Variants in FRMD3 observed in about 807,000 individuals in gnomAD.
The protein encoded by FRMD3 is FERM domain containing 3.
Under a neutral mutation model 70.2 loss-of-function variants are expected in FRMD3, and 33 were observed. The ratio of observed to expected loss-of-function variants is 0.47; its 90% CI spans 0.36 to 0.63. The LOEUF is 0.63. FRMD3 is among the 20% of genes least tolerant of loss of function. The pLI is 0.00. For missense variants in FRMD3, 632 were observed against 711.4 expected, an observed-to-expected ratio of 0.89 and a Z score of 1.27; for synonymous variants, 279 against 255.9, an observed-to-expected ratio of 1.09 and a Z score of -0.86.
At chr9:83,466,731 C>A (rs1255219661) in intron 1 of FRMD3, among the ~76,000 whole-genome samples, 4 of 152,206 alleles carry the variant, frequency 2.6e-5, no homozygotes, top group African/African-American at 9.6e-5. Context: ...TGAACTTTAA[C>A]TGTGATTCCC....
At chr9:83,334,354 C>T (rs1200539518) in intron 6 of FRMD3, among the ~76,000 whole-genome samples, 2 of 152,084 alleles carry the variant, frequency 1.3e-5, no homozygotes, top group Non-Finnish European at 2.9e-5. Context: ...TAAGACTAAG[C>T]GTCATATTTT....
chr9:83,490,901 A>G (rs540717011), intron 1 of FRMD3, among the ~76,000 whole-genome samples: 32 of 152,136 alleles, frequency 2.1e-4, no homozygotes, highest in African/African-American at 7.0e-4. Context: ...GGAAAATCAA[A>G]TATTTTAATC....
At chr9:83,488,844 T>C (rs543577094) in intron 1 of FRMD3, among the ~76,000 whole-genome samples, 1 of 152,112 alleles carries the variant, frequency 6.6e-6, no homozygotes, top group African/African-American at 2.4e-5. Flanking sequence ...CCACATTAAA[T>C]AATGAAGAAA....
intron 1 of FRMD3, among the ~76,000 whole-genome samples, chr9:83,408,177 C>T (rs542747048): frequency 1.4e-4 from 22 of 152,264 alleles, no homozygotes; most frequent in African/African-American, 5.1e-4. Flanking sequence ...GTCCTCTCAA[C>T]GAGATGAAAG....
chr9:83,320,446 A>G (rs905624253), intron 6 of FRMD3, among the ~76,000 whole-genome samples: 4 of 152,114 alleles, frequency 2.6e-5, no homozygotes, highest in South Asian at 4.1e-4. Context: ...TATGTGATGT[A>G]TCACATTTAT....
chr9:83,387,204 C>T (rs866879050), intron 2 of FRMD3, among the ~76,000 whole-genome samples: 11 of 152,084 alleles, frequency 7.2e-5, no homozygotes, highest in Non-Finnish European at 8.8e-5. Context: ...TTTCTATTTC[C>T]GTCATTCCTT....
intron 1 of FRMD3, among the ~76,000 whole-genome samples, chr9:83,533,772 T>C (rs745618108): frequency 4.6e-5 from 7 of 152,372 alleles, no homozygotes; most frequent in Middle Eastern, 3.4e-3. Context: ...TTATTCAATC[T>C]ACATCGATAT....
chr9:83,380,491 C>T (rs1204366569), intron 2 of FRMD3, among the ~76,000 whole-genome samples: 1 of 152,154 alleles, frequency 6.6e-6, no homozygotes, highest in Non-Finnish European at 1.5e-5. Context: ...TTGCGAGGCA[C>T]AACTGCACTT....
intron 1 of FRMD3, among the ~76,000 whole-genome samples, chr9:83,397,328 C>A (rs1825835907): frequency 6.6e-6 from 1 of 152,166 alleles, no homozygotes; most frequent in African/African-American, 2.4e-5. Context: ...AATCCCTAAT[C>A]TGAGGCAATA....
chr9:83,422,156 C>T (rs1012129310), intron 1 of FRMD3, among the ~76,000 whole-genome samples: 26 of 152,232 alleles, frequency 1.7e-4, no homozygotes, highest in African/African-American at 5.5e-4. Flanking sequence ...TCCTGGGAGG[C>T]AGAGGCTGCA....
rs183189596 is a variant in FRMD3 at position 83,526,553 on chromosome 9, G to A, written c.147+11532C>T. On this transcript the variant is annotated intron_variant, in intron 1 of 13. Coordinates refer to ENST00000304195, the MANE Select transcript of FRMD3 (RefSeq NM_174938.6). Reference sequence around the variant, plus strand: ...TTTAATTATTAATCAAGATTCATCTGTAACAGAGATACTTACTGATGCCCC... The same window carrying A: ...TTTAATTATTAATCAAGATTCATCTATAACAGAGATACTTACTGATGCCCC... Among the ~76,000 whole-genome samples, 200 of 152,262 alleles carry A rather than the reference G, an allele frequency of 1.3e-3. 2 individuals carry two copies. The highest frequency in any genetic ancestry group is 4.6e-3 in the African/African-American group (190 of 41,566).
intron 3 of FRMD3, among the ~76,000 whole-genome samples, chr9:83,361,426 G>A (rs1824580900): frequency 6.6e-6 from 1 of 152,190 alleles, no homozygotes; most frequent in Non-Finnish European, 1.5e-5. Flanking sequence ...GAGGATGATA[G>A]CATAGGCTGC....
chr9:83,516,480 T>C (rs1473925781), intron 1 of FRMD3, among the ~76,000 whole-genome samples: 1 of 152,152 alleles, frequency 6.6e-6, no homozygotes, highest in Non-Finnish European at 1.5e-5. Flanking sequence ...AGCAAGTTCT[T>C]AGAGAACTAC....
chr9:83,345,222 T>C (rs1283419840), intron 4 of FRMD3, among the ~76,000 whole-genome samples: 2 of 152,122 alleles, frequency 1.3e-5, no homozygotes, highest in African/African-American at 4.8e-5. Context: ...ACAATCTTTG[T>C]CCCCAGTTTA....
At chr9:83,509,251 T>C (rs962766150) in intron 1 of FRMD3, among the ~76,000 whole-genome samples, 1 of 152,142 alleles carries the variant, frequency 6.6e-6, no homozygotes, top group Admixed American at 6.5e-5. Flanking sequence ...TTATACCAGG[T>C]GCTACACTGA....
Position 83,412,717 on chromosome 9 carries a change from G to A in FRMD3, c.148-23009C>T, listed in dbSNP as rs927089097. Among the ~76,000 whole-genome samples the A allele has an allele frequency of 5.9e-5, 9 of 152,184 alleles. No homozygotes were observed. The South Asian group carries it at 6.2e-4, about 11-fold the overall frequency. ...TCTGCATCAAAATATGGTCCTGGCC[G>A]GGCACGGTGGCTCACGCCTGTAATC... is the stretch of plus-strand genomic sequence containing the variant. On this transcript the variant is annotated intron_variant, in intron 1 of 13. Coordinates refer to ENST00000304195, the MANE Select transcript of FRMD3 (RefSeq NM_174938.6).
intron 3 of FRMD3, among the ~76,000 whole-genome samples, chr9:83,364,416 G>C (rs1251377156): frequency 6.6e-6 from 1 of 152,060 alleles, no homozygotes; most frequent in Non-Finnish European, 1.5e-5. Flanking sequence ...AATTAGCTGG[G>C]CACAGTACAC....
chr9:83,323,350 G>A (rs1265092204), intron 6 of FRMD3, among the ~76,000 whole-genome samples: 2 of 152,168 alleles, frequency 1.3e-5, no homozygotes, highest in Admixed American at 6.5e-5. Context: ...AAAGCTACAC[G>A]CTATGAGATG....
chr9:83,514,362 C>G (rs1829406865), intron 1 of FRMD3, among the ~76,000 whole-genome samples: 1 of 152,146 alleles, frequency 6.6e-6, no homozygotes, highest in Non-Finnish European at 1.5e-5. Context: ...TTGAACTGGA[C>G]AGAGCCCACC....
Sources: allele counts gnomAD v4.1 joint callset (sites outside exome capture counted in the v4.1 genomes callset), GRCh38; gene constraint gnomAD v4.1.1; transcripts MANE v1.5; gene names NCBI Gene and HGNC (gene_info 2026-07-23, HGNC 2026-07-21).